Variants in MYO9A observed in about 807,000 individuals in gnomAD.
The protein encoded by MYO9A is myosin IXA.
In MYO9A, 103 loss-of-function variants were observed where a neutral mutation model predicts 293.3. The ratio of observed to expected loss-of-function variants is 0.35; its 90% CI spans 0.30 to 0.41. The LOEUF (loss-of-function observed/expected upper bound fraction) is 0.41, where lower values mean the gene tolerates loss of function less well. Among genes scored for constraint, MYO9A ranks in the 10% least tolerant of loss-of-function variants. The probability of loss-of-function intolerance (pLI) is 1.00; values close to 1 mark genes in which losing one functional copy is unlikely to be tolerated. For missense variants in MYO9A, 2,685 were observed against 3,033.0 expected (o/e 0.89, Z 2.69); for synonymous variants, 1,001 against 1,035.7 (o/e 0.97, Z 0.64).
intron 39 of MYO9A, among the ~76,000 whole-genome samples, chr15:71,834,871 G>A (rs2054876712): frequency 6.6e-6 from 1 of 151,960 alleles, no homozygotes; most frequent in South Asian, 2.1e-4. Context: ...ACGGAATCAA[G>A]TAATATAGAA....
At chr15:72,000,346 T>G (rs1429071967) in intron 8 of MYO9A, among the ~76,000 whole-genome samples, 1 of 152,264 alleles carries the variant, frequency 6.6e-6, no homozygotes, top group African/African-American at 2.4e-5. Flanking sequence ...TTCTTCTTCA[T>G]GAATCTTGAA....
intron 2 of MYO9A, chr15:72,045,512 C>A (rs1446184914): frequency 2.4e-6 from 1 of 420,732 alleles, no homozygotes; most frequent in Non-Finnish European, 4.1e-6. Context: ...GTGATCCACC[C>A]ACCTAGGCCT....
At chr15:72,028,912 C>T (rs1376824016) in intron 3 of MYO9A, among the ~76,000 whole-genome samples, 1 of 152,182 alleles carries the variant, frequency 6.6e-6, no homozygotes, top group African/African-American at 2.4e-5. Flanking sequence ...AAGTGATCTA[C>T]TGCCTGTTCT....
At chr15:71,833,079 A>C (rs1432690750) in intron 39 of MYO9A, among the ~76,000 whole-genome samples, 1 of 152,076 alleles carries the variant, frequency 6.6e-6, no homozygotes, top group Non-Finnish European at 1.5e-5. Flanking sequence ...GAAAAGAAAA[A>C]GGAACATATA....
chr15:72,037,232 C>T (rs1286229229), intron 2 of MYO9A, among the ~76,000 whole-genome samples: 3 of 120,494 alleles, frequency 2.5e-5, no homozygotes, highest in Non-Finnish European at 3.2e-5. Context: ...AACACTATAA[C>T]TGCTTAAGGT....
rs1305763914 is a variant in MYO9A at position 72,077,771 on chromosome 15, ATATATATAT to A, written c.-71-31146_-71-31138del. Among the ~76,000 whole-genome samples, 8 of 144,912 alleles carry A rather than the reference ATATATATAT, an allele frequency of 5.5e-5. No homozygotes were observed. In the East Asian group the frequency reaches 1.6e-3, roughly 29 times the overall value. ...AAAAAAAATATATATATATATATATATATATATATAAACACATAAACACACACACCTCCA... is the reference window on the plus strand; with the variant it reads ...AAAAAAAATATATATATATATATATAAAACACATAAACACACACACCTCCA... On this transcript the variant is annotated intron_variant, in intron 1 of 41. Transcript: ENST00000356056.
At chr15:71,835,745 G>T (rs2054914980) in intron 39 of MYO9A, among the ~76,000 whole-genome samples, 1 of 152,072 alleles carries the variant, frequency 6.6e-6, no homozygotes, top group South Asian at 2.1e-4. Context: ...AATCCCAAGA[G>T]AATTTTTTGA....
intron 11 of MYO9A, among the ~76,000 whole-genome samples, chr15:71,981,641 GTCTCTCTCTCTCTC>G (rs142432028): frequency 2.1e-5 from 3 of 144,496 alleles, no homozygotes; most frequent in South Asian, 2.2e-4. Context: ...TCTCTGTCTT[GTCTCTCTCTCTCTC>G]TCTCTCTCTC....
chr15:71,950,933 C>G (rs2059034177), intron 15 of MYO9A, among the ~76,000 whole-genome samples: 1 of 152,140 alleles, frequency 6.6e-6, no homozygotes, highest in Admixed American at 6.5e-5. Context: ...TCCACTTATT[C>G]TCACAATAGC....
In MYO9A at chr15:71,968,262, A is replaced by G. The variant is rs2075927088; in HGVS notation, c.1845-137T>C. The G allele has an allele frequency of 5.1e-6, 3 of 593,792 alleles. No homozygotes were observed. In the East Asian group the frequency reaches 9.0e-5, roughly 18 times the overall value. The allele number at this position is 593,792 out of a possible 1,614,324, so 36.8% of individuals were successfully genotyped here. On this transcript the variant is annotated intron_variant, in intron 12 of 41. Transcript: ENST00000356056. ...GTTTACAAAAGTTTTCACCTATATT[A>G]TCTAACCTGATTCTCATAACAAGCT... is the stretch of plus-strand genomic sequence containing the variant.
intron 15 of MYO9A, among the ~76,000 whole-genome samples, chr15:71,940,391 C>G (rs1263256863): frequency 6.6e-6 from 1 of 152,050 alleles, no homozygotes; most frequent in Non-Finnish European, 1.5e-5. Context: ...GCTTGAGAGT[C>G]TGATGTGGGA....
chr15:71,880,325 T>C lies in MYO9A; in HGVS notation c.5622+10A>G. On this transcript the variant is annotated intron_variant, in intron 29 of 41. Coordinates refer to ENST00000356056, the MANE Select transcript of MYO9A (RefSeq NM_006901.4). ...CTGCTCCAGGGCCTGACGTGGCAAATAAAGTGTACCTTTTTCAGAAGAAAT... is the reference window on the plus strand; with the variant it reads ...CTGCTCCAGGGCCTGACGTGGCAAACAAAGTGTACCTTTTTCAGAAGAAAT... The C allele has an allele frequency of 6.2e-7, 1 of 1,613,318 alleles. No homozygotes were observed. Among genetic ancestry groups the C allele is most frequent in the South Asian group, 1.1e-5 (1 of 91,054 alleles).
chr15:72,104,652 A>G (rs2080505786), intron 1 of MYO9A, among the ~76,000 whole-genome samples: 2 of 152,226 alleles, frequency 1.3e-5, no homozygotes, highest in Admixed American at 1.3e-4. Flanking sequence ...TCCCTAAACC[A>G]ACTGTCATTC....
At position 71,999,885 on chromosome 15, in the gene MYO9A, C is replaced by G; in HGVS notation, c.1436G>C (p.Gly479Ala). The G allele has an allele frequency of 1.2e-6, 2 of 1,612,622 alleles. No homozygotes were observed. Among genetic ancestry groups the G allele is most frequent in the Non-Finnish European group, 1.7e-6 (2 of 1,179,442 alleles). Residue 479 changes from glycine (G) to alanine (A), a missense_variant, in exon 9 of 42, where the codon GGA becomes GCA. Gly to Ala is a moderately conservative substitution (Grantham distance 60, BLOSUM62 0). Around this residue, in one of 10 missense-constraint regions of MYO9A, gnomAD observed 289 missense variants for 456.8 expected, o/e 0.63. Transcript: ENST00000356056. ...CTTGTATGGCAAAATAAGCTTTTCT[C>G]CCACTGTCACCGTCTTCCTTGTAAC... is the stretch of plus-strand genomic sequence containing the variant. ...ALVTRKTVTV[G>A]EKLILPYKLA...
At chr15:72,083,804 G>A (rs1283754821) in intron 1 of MYO9A, among the ~76,000 whole-genome samples, 1 of 152,138 alleles carries the variant, frequency 6.6e-6, no homozygotes, top group African/African-American at 2.4e-5. Context: ...GTAATTGTAT[G>A]GTTTTGAGCA....
chr15:72,075,641 A>G (rs1462181462), intron 1 of MYO9A, among the ~76,000 whole-genome samples: 1 of 151,952 alleles, frequency 6.6e-6, no homozygotes, highest in Non-Finnish European at 1.5e-5. Flanking sequence ...TAAAACGAAG[A>G]AAGCCAGGCA....
Position 71,898,580 on chromosome 15 carries a change from G to A in MYO9A, c.3923C>T (p.Thr1308Ile), listed in dbSNP as rs2057397862. The A allele has an allele frequency of 3.1e-6, 5 of 1,614,068 alleles. No individual in the cohort carries two copies. Among genetic ancestry groups the A allele is most frequent in the East Asian group, 4.5e-5 (2 of 44,882 alleles). ...CTGAAGGCCTTCAGGCACCAATTCT[G>A]TAGACCATCTGCGATCCTCTGAAGG... Reference protein sequence around the residue: ...ISPSEDRRWSTELVPEGLQSP... With the variant: ...ISPSEDRRWSIELVPEGLQSP... The change falls in exon 25 of 42, where the codon ACA becomes ATA. Residue 1308 changes from threonine to isoleucine, a missense_variant. Thr to Ile is a moderately conservative substitution (Grantham distance 89). This residue lies in a region of MYO9A where 1,434 missense variants were observed against 1,497.7 expected (regional missense o/e 0.96). Coordinates refer to ENST00000356056, the MANE Select transcript of MYO9A (RefSeq NM_006901.4).
intron 1 of MYO9A, among the ~76,000 whole-genome samples, chr15:72,051,617 C>T (rs190058510): frequency 7.9e-5 from 12 of 152,314 alleles, no homozygotes; most frequent in Non-Finnish European, 4.4e-5. Context: ...TCCCAGCACC[C>T]ACTCCAATCT....
intron 15 of MYO9A, among the ~76,000 whole-genome samples, chr15:71,948,466 T>C (rs1213594568): frequency 1.3e-5 from 2 of 152,110 alleles, no homozygotes; most frequent in African/African-American, 2.4e-5. Flanking sequence ...CATGTGAAAA[T>C]TGTTTGAAAT....
Sources: gnomAD v4.1 joint callset for allele counts (sites outside exome capture counted in the v4.1 genomes callset) on GRCh38, gnomAD v4.1.1 for gene constraint, gnomAD v4.1.1 regional missense constraint, MANE v1.5 for transcripts, NCBI Gene and HGNC (gene_info 2026-07-23, HGNC 2026-07-21) for gene names.